Variants in ASTN2 observed in about 807,000 individuals in gnomAD.
ASTN2 encodes astrotactin 2, also known as astrotactin-2.
A neutral mutation model predicts 139.8 loss-of-function variants in ASTN2; 54 were observed. The observed-to-expected ratio is 0.39, with a 90% CI of 0.31 to 0.48. The LOEUF is 0.48. Among genes scored for constraint, ASTN2 ranks in the 20% least tolerant of loss-of-function variants. The pLI is 0.95. For synonymous variants in ASTN2, 756 were observed against 719.5 expected, an observed-to-expected ratio of 1.05 and a Z score of -0.81; for missense variants, 1,565 against 1,725.1, an observed-to-expected ratio of 0.91 and a Z score of 1.64.
chr9:117,304,310 T>C (rs1834946795), intron 1 of ASTN2, among the ~76,000 whole-genome samples: 1 of 152,216 alleles, frequency 6.6e-6, no homozygotes, highest in Admixed American at 6.5e-5. Context: ...TGGGCTTTCC[T>C]GCTCTGTGCG....
intron 2 of ASTN2, among the ~76,000 whole-genome samples, chr9:117,222,668 A>C (rs1564488584): frequency 6.6e-6 from 1 of 151,994 alleles, no homozygotes; most frequent in African/African-American, 2.4e-5. Flanking sequence ...CCCATACTTC[A>C]CTGTTAACTT....
intron 5 of ASTN2, among the ~76,000 whole-genome samples, chr9:117,071,300 G>A (rs544327915): frequency 5.3e-5 from 8 of 151,864 alleles, no homozygotes; most frequent in Admixed American, 5.2e-4. Context: ...CCTGCTGGGG[G>A]GTGCCTCCCA....
chr9:117,346,506 C>T (rs1829222288), intron 1 of ASTN2, among the ~76,000 whole-genome samples: 1 of 152,180 alleles, frequency 6.6e-6, no homozygotes, highest in African/African-American at 2.4e-5. Context: ...TTATTTGCTA[C>T]AATCCTATTA....
intron 1 of ASTN2, among the ~76,000 whole-genome samples, chr9:117,408,586 T>A (rs1435692434): frequency 6.6e-6 from 1 of 152,186 alleles, no homozygotes; most frequent in African/African-American, 2.4e-5. Flanking sequence ...AAAGGCCTAG[T>A]CAATCCTCCT....
intron 5 of ASTN2, among the ~76,000 whole-genome samples, chr9:117,046,885 T>C (rs1838761579): frequency 6.6e-6 from 1 of 152,206 alleles, no homozygotes; most frequent in African/African-American, 2.4e-5. Flanking sequence ...CCAACAGATG[T>C]CAGTATTGGA....
At chr9:117,130,922 T>C (rs1341395683) in intron 4 of ASTN2, among the ~76,000 whole-genome samples, 2 of 152,208 alleles carry the variant, frequency 1.3e-5, no homozygotes, top group Admixed American at 1.3e-4. Context: ...CTTGAAAACA[T>C]CTGCTAACGG....
intron 10 of ASTN2, among the ~76,000 whole-genome samples, chr9:116,912,685 T>C (rs1460838379): frequency 6.6e-6 from 1 of 152,154 alleles, no homozygotes; most frequent in Non-Finnish European, 1.5e-5. Flanking sequence ...CTAATCCTGT[T>C]TATTGCTGTG....
At chr9:117,269,905 T>TGG (rs2133122989) in intron 2 of ASTN2, among the ~76,000 whole-genome samples, 1 of 152,384 alleles carries the variant, frequency 6.6e-6, no homozygotes, top group Admixed American at 6.5e-5. Context: ...CAAGAGGCAC[T>TGG]GTGCCACAAA....
intron 13 of ASTN2, among the ~76,000 whole-genome samples, chr9:116,791,039 G>GAAAAGA (rs11386508): frequency 4.1e-4 from 34 of 82,132 alleles, no homozygotes; most frequent in East Asian, 4.1e-3. Flanking sequence ...AAGAAAGAAA[G>GAAAAGA]AAAGAAAAGA....
chr9:116,886,697 T>TA lies in ASTN2; in HGVS notation c.1890-22965dup, dbSNP rs369963519. Among the ~76,000 whole-genome samples, 164 of 151,982 alleles carry TA rather than the reference T, an allele frequency of 1.1e-3. 2 individuals are homozygous for TA. The East Asian group carries it at 0.013, about 12-fold the overall frequency. ...TTTGTTGTTGTTTTGTTTTGTTTTT[T>TA]AGTGGGGATAGAACTTGGCATTTCA... On this transcript the variant is annotated intron_variant, in intron 10 of 22. Coordinates refer to ENST00000313400, the MANE Select transcript of ASTN2 (RefSeq NM_001365068.1).
chr9:117,081,180 G>A (rs1828418319), intron 5 of ASTN2, among the ~76,000 whole-genome samples: 1 of 152,208 alleles, frequency 6.6e-6, no homozygotes, highest in Non-Finnish European at 1.5e-5. Context: ...TGAATGCCTT[G>A]CATTGTTAGT....
Position 116,815,804 on chromosome 9 carries a change from CAAAAAA to C in ASTN2, c.2207+4807_2207+4812del, listed in dbSNP as rs55954354. Among the ~76,000 whole-genome samples, 21 of 24,106 alleles carry C rather than the reference CAAAAAA, an allele frequency of 8.7e-4. 1 individual carries two copies. The South Asian group carries it at 0.029, about 34-fold the overall frequency. 15.8% of individuals were successfully genotyped at this position (24,106 alleles called of 152,430 possible). ...TGGGCAACAGAGCGAGACTCCGTCTCAAAAAAAAAAAAAAAAAAAAAAAAGTTGATG... is the reference window on the plus strand; with the variant it reads ...TGGGCAACAGAGCGAGACTCCGTCTCAAAAAAAAAAAAAAAAAAGTTGATG... On this transcript the variant is annotated intron_variant, in intron 12 of 22. Coordinates refer to ENST00000313400, the MANE Select transcript of ASTN2 (RefSeq NM_001365068.1).
chr9:117,120,018 G>GTGTGTGTATATATATA (rs1306397698), intron 4 of ASTN2, among the ~76,000 whole-genome samples: 633 of 45,896 alleles, frequency 0.014, 12 homozygotes, highest in Middle Eastern at 0.02. Context: ...GTGTGTGTGT[G>GTGTGTGTATATATATA]TATATATATA....
chr9:117,083,559 A>G (rs111789573), intron 5 of ASTN2, among the ~76,000 whole-genome samples: 5 of 152,260 alleles, frequency 3.3e-5, no homozygotes, highest in African/African-American at 1.2e-4. Context: ...AGAGTTTTTC[A>G]GGGGTAAGAG....
At chr9:117,022,930 G>C (rs1291183629) in intron 6 of ASTN2, among the ~76,000 whole-genome samples, 1 of 151,952 alleles carries the variant, frequency 6.6e-6, no homozygotes, top group Non-Finnish European at 1.5e-5. Context: ...GAGAGGTACA[G>C]GAGAAACAGC....
chr9:117,414,894 CCCCGAG>C lies in ASTN2; in HGVS notation c.39_44del (p.Ser14_Gly15del), dbSNP rs1831288501. The C allele has an allele frequency of 1.3e-6, 1 of 787,176 alleles. No individual in the cohort carries two copies. The highest frequency in any genetic ancestry group is 1.6e-6 in the Non-Finnish European group (1 of 616,482). The allele number at this position is 787,176 out of a possible 1,614,324, so 48.8% of individuals were successfully genotyped here. ...AGCAGAGCCTCGGCCGCCCCCGGAGCCCCGAGCCGGGGCCGGGGCTGAGCCGGGCGC... is the reference window on the plus strand; with the variant it reads ...AGCAGAGCCTCGGCCGCCCCCGGAGCCCGGGGCCGGGGCTGAGCCGGGCGC... On this transcript the variant is annotated inframe_deletion, in exon 1 of 23. Coordinates refer to ENST00000313400, the MANE Select transcript of ASTN2 (RefSeq NM_001365068.1). This position sits in a 1 kb window ranked among gnomAD's most constrained non-coding sequence, Gnocchi z 4.2.
intron 4 of ASTN2, among the ~76,000 whole-genome samples, chr9:117,113,396 C>G (rs889698302): frequency 1.3e-5 from 2 of 152,226 alleles, no homozygotes; most frequent in Non-Finnish European, 2.9e-5. Flanking sequence ...TGGCTCACAC[C>G]TGCAATCCCA....
chr9:117,295,227 C>A (rs979691172), intron 1 of ASTN2, among the ~76,000 whole-genome samples: 1 of 152,058 alleles, frequency 6.6e-6, no homozygotes, highest in African/African-American at 2.4e-5. Context: ...GAGGCAGAGG[C>A]CCAAGAATCG....
chr9:116,935,701 G>T (rs1449466778), intron 10 of ASTN2, among the ~76,000 whole-genome samples: 1 of 152,156 alleles, frequency 6.6e-6, no homozygotes, highest in Non-Finnish European at 1.5e-5. Flanking sequence ...TCACCTCTCT[G>T]TGTCAGTTTC....
Sources: gnomAD v4.1 joint callset for allele counts (sites outside exome capture counted in the v4.1 genomes callset) on GRCh38, gnomAD v4.1.1 for gene constraint, Gnocchi (gnomAD v3.1) non-coding constraint, MANE v1.5 for transcripts, NCBI Gene and HGNC (gene_info 2026-07-23, HGNC 2026-07-21) for gene names.